WDR27: variants seen among roughly 807,000 people sequenced by gnomAD.
The protein encoded by WDR27 is WD repeat domain 27.
In WDR27, 100 loss-of-function variants were observed where a neutral mutation model predicts 114.4. That is an observed-to-expected ratio of 0.87 (90% CI 0.74 to 1.03). The LOEUF (loss-of-function observed/expected upper bound fraction) is 1.03, where lower values mean the gene tolerates loss of function less well. Among genes scored for constraint, WDR27 ranks in the 50% least tolerant of loss-of-function variants. WDR27 has a pLI of 0.00. For synonymous variants in WDR27, 449 were observed against 423.1 expected, an observed-to-expected ratio of 1.06 and a Z score of -0.75; for missense variants, 1,129 against 1,092.9, an observed-to-expected ratio of 1.03 and a Z score of -0.47.
chr6:169,572,130 G>C (rs9478058), intron 25 of WDR27, among the ~76,000 whole-genome samples: 71,844 of 151,990 alleles, frequency 0.47, 20,282 homozygotes, highest in Non-Finnish European at 0.65. Context: ...GAAACATATA[G>C]TGTAAATACA....
the WDR27 span, among the ~76,000 whole-genome samples, chr6:169,437,289 C>CA: frequency 8.1e-6 from 1 of 123,242 alleles, no homozygotes; most frequent in Non-Finnish European, 2.1e-5. Context: ...GTATTGGTGT[C>CA]AGGGGTGCAC....
intron 24 of WDR27, among the ~76,000 whole-genome samples, chr6:169,579,495 T>C (rs150576220): frequency 3.9e-5 from 6 of 152,234 alleles, no homozygotes; most frequent in Non-Finnish European, 7.4e-5. Context: ...CAAAACAGGA[T>C]GTAGCACAGG....
chr6:169,664,132 G>C, intron 8 of WDR27, 34 bp downstream of exon 8: 1 of 1,539,706 alleles, frequency 6.5e-7, no homozygotes, highest in African/African-American at 1.4e-5. Flanking sequence ...TCTGGGCCAA[G>C]TGGGAGGCCT....
chr6:169,621,297 CATAT>C (rs1317584515), intron 21 of WDR27, among the ~76,000 whole-genome samples: 1 of 151,338 alleles, frequency 6.6e-6, no homozygotes, highest in Non-Finnish European at 1.5e-5. Context: ...TGCACGCACG[CATAT>C]ACATACCCAC....
chr6:169,689,032 A>G lies in WDR27; in HGVS notation c.-7-20T>C, dbSNP rs1783791728. 2.5e-6 allele frequency: 4 copies of G among 1,570,524 alleles called. No homozygotes were observed. Among genetic ancestry groups the G allele is most frequent in the African/African-American group, 1.4e-5 (1 of 73,880 alleles). The stretch of plus-strand genomic sequence containing the variant: ...TTCAATCTGAAAACAAAAAGTACAT[A>G]TAAGATGACTATAGGTATCATATTT... On this transcript the variant is annotated intron_variant, in intron 1 of 25. Coordinates refer to ENST00000448612, the MANE Select transcript of WDR27 (RefSeq NM_182552.5).
At chr6:169,560,183 C>T (rs970946214) in intron 25 of WDR27, among the ~76,000 whole-genome samples, 1 of 152,088 alleles carries the variant, frequency 6.6e-6, no homozygotes, top group Non-Finnish European at 1.5e-5. Flanking sequence ...GTGCTGTTCT[C>T]GTGATAGTGA....
rs1347931330 is a variant in WDR27 at position 169,647,805 on chromosome 6, G to GT, written c.1624dup (p.Thr542AsnfsTer30). The GT allele has an allele frequency of 2.5e-6, 4 of 1,585,282 alleles. No homozygotes were observed. The highest frequency in any genetic ancestry group is 3.4e-6 in the Non-Finnish European group (4 of 1,166,686). Reference sequence around the variant, plus strand: ...CTGGATGCAGCATACACGTGTGCAGGTGGGGGCGGCAGCGACCTGGGGGCC... The same window carrying GT: ...CTGGATGCAGCATACACGTGTGCAGGTTGGGGGCGGCAGCGACCTGGGGGCC... On this transcript the variant is annotated frameshift_variant, in exon 16 of 26. Transcript: ENST00000448612. LOFTEE classifies it high-confidence loss of function.
chr6:169,443,921 C>T, the WDR27 span, among the ~76,000 whole-genome samples: 9 of 152,138 alleles, frequency 5.9e-5, no homozygotes, highest in East Asian at 1.9e-4. Context: ...CAGCAAGGCA[C>T]GTAGGGATGT....
At chr6:169,488,716 G>A (rs1004261698) in intron 25 of WDR27, among the ~76,000 whole-genome samples, 1 of 152,188 alleles carries the variant, frequency 6.6e-6, no homozygotes, top group Admixed American at 6.5e-5. Context: ...GGGAGCAAAT[G>A]TAACAAGGGG....
At chr6:169,681,614 T>A (rs1323263657) in intron 2 of WDR27, among the ~76,000 whole-genome samples, 1 of 152,200 alleles carries the variant, frequency 6.6e-6, no homozygotes, top group African/African-American at 2.4e-5. Context: ...CTCTACTAAC[T>A]GATGGAAGGG....
chr6:169,587,272 G>A (rs1356993775), intron 23 of WDR27, among the ~76,000 whole-genome samples: 5 of 137,054 alleles, frequency 3.6e-5, no homozygotes, highest in Middle Eastern at 4.2e-3. Flanking sequence ...AGGCTGGAGT[G>A]CAGTGGTGCA....
the WDR27 span, among the ~76,000 whole-genome samples, chr6:169,451,915 G>T: frequency 2.0e-5 from 3 of 151,802 alleles, no homozygotes; most frequent in Admixed American, 1.3e-4. Context: ...CTTAACACAC[G>T]TCTTTTGGCT....
intron 22 of WDR27, among the ~76,000 whole-genome samples, chr6:169,611,135 T>C (rs1159169116): frequency 2.0e-5 from 3 of 152,072 alleles, no homozygotes; most frequent in Non-Finnish European, 4.4e-5. Context: ...TGGCAGTTGC[T>C]CTGAGTAAGT....
At chr6:169,696,870 T>G (rs1250418833) in intron 1 of WDR27, among the ~76,000 whole-genome samples, 8 of 152,158 alleles carry the variant, frequency 5.3e-5, no homozygotes, top group Non-Finnish European at 1.0e-4. Flanking sequence ...GCCAAGATTG[T>G]GCCACTGCAC....
intron 25 of WDR27, among the ~76,000 whole-genome samples, chr6:169,502,948 A>G (rs1445305517): frequency 6.6e-6 from 1 of 152,206 alleles, no homozygotes; most frequent in African/African-American, 2.4e-5. Context: ...AACACTTTTG[A>G]CAGGTCCATG....
chr6:169,656,387 A>C (rs962406240), intron 13 of WDR27, among the ~76,000 whole-genome samples: 3 of 151,846 alleles, frequency 2.0e-5, no homozygotes, highest in African/African-American at 7.3e-5. Flanking sequence ...TTTGGTTTGG[A>C]GGTTGGGTTT....
At position 169,698,620 on chromosome 6, in the gene WDR27, G is replaced by A. The variant is rs188852296; in HGVS notation, c.-8+2931C>T. Among the ~76,000 whole-genome samples, 4 of 152,316 alleles carry A rather than the reference G, an allele frequency of 2.6e-5. No individual in the cohort carries two copies. In the East Asian group the frequency reaches 7.7e-4, roughly 29 times the overall value. ...AAGCTCTTTCTGCTTCTTCCCTGGAGCCACTAAGAACATGGCTGGACCACA... is the reference window on the plus strand; with the variant it reads ...AAGCTCTTTCTGCTTCTTCCCTGGAACCACTAAGAACATGGCTGGACCACA... On this transcript the variant is annotated intron_variant, in intron 1 of 25. Transcript: ENST00000448612.
intron 22 of WDR27, among the ~76,000 whole-genome samples, chr6:169,606,960 A>G (rs1284764661): frequency 1.6e-4 from 24 of 152,206 alleles, no homozygotes; most frequent in Admixed American, 1.6e-3. Context: ...AAGAGGATAT[A>G]CAAATGGCCA....
At chr6:169,646,649 G>A (rs980271388) in intron 16 of WDR27, among the ~76,000 whole-genome samples, 4 of 151,810 alleles carry the variant, frequency 2.6e-5, no homozygotes, top group Admixed American at 6.6e-5. Flanking sequence ...GCGTGACGCT[G>A]AGGCAGGAGA....
Sources: gnomAD v4.1 joint callset for allele counts (sites outside exome capture counted in the v4.1 genomes callset) on GRCh38, gnomAD v4.1.1 for gene constraint, MANE v1.5 for transcripts, NCBI Gene and HGNC (gene_info 2026-07-23, HGNC 2026-07-21) for gene names.